GUF1: variants seen among roughly 807,000 people sequenced by gnomAD.
The protein encoded by GUF1 is translation factor GUF1, mitochondrial.
A neutral mutation model predicts 82.4 loss-of-function variants in GUF1; 78 were observed. The observed-to-expected ratio is 0.95, with a 90% CI of 0.79 to 1.14. The LOEUF (loss-of-function observed/expected upper bound fraction) is 1.14. Among genes scored for constraint, GUF1 ranks in the 50% most tolerant of loss-of-function variants. The pLI, the probability that GUF1 is intolerant of heterozygous loss-of-function variation, is 0.00. For missense variants in GUF1, 814 were observed against 798.2 expected, an observed-to-expected ratio of 1.02 and a Z score of -0.24; for synonymous variants, 279 against 282.3, an observed-to-expected ratio of 0.99 and a Z score of 0.12.
At chr4:44,695,957 C>A (rs576781937) in intron 15 of GUF1, among the ~76,000 whole-genome samples, 172 of 152,188 alleles carry the variant, frequency 1.1e-3, no homozygotes, top group Admixed American at 3.2e-3. Flanking sequence ...ATAACGTATA[C>A]GAGTTTGAGG....
At chr4:44,684,669 A>G (rs931380032) in intron 6 of GUF1, among the ~76,000 whole-genome samples, 2 of 152,158 alleles carry the variant, frequency 1.3e-5, no homozygotes, top group African/African-American at 4.8e-5. Flanking sequence ...AAAGGAGATT[A>G]TGATCCAGGA....
Position 44,690,874 on chromosome 4 carries a change from A to G in GUF1, c.1479+14A>G, listed in dbSNP as rs1357160169. 1.3e-6 allele frequency: 2 copies of G among 1,557,768 alleles called. No individual in the cohort carries two copies. Among genetic ancestry groups the G allele is most frequent in the South Asian group, 1.2e-5 (1 of 82,664 alleles). On this transcript the variant is annotated intron_variant, in intron 12 of 16. Coordinates refer to ENST00000281543, the MANE Select transcript of GUF1 (RefSeq NM_021927.3). The stretch of plus-strand genomic sequence containing the variant: ...ATGCTTTGCGAGGTATAACTATAAT[A>G]CAATTTAATACAAAATTAGGTTTTA...
chr4:44,686,095 C>T (rs1715031252), intron 7 of GUF1, 72 bp downstream of exon 7: 1 of 981,474 alleles, frequency 1.0e-6, no homozygotes, highest in Non-Finnish European at 1.6e-6. Context: ...TTTAATAGTT[C>T]AAAGACTGTC....
At chr4:44,685,568 T>C (rs1291745664) in intron 6 of GUF1, among the ~76,000 whole-genome samples, 2 of 152,056 alleles carry the variant, frequency 1.3e-5, no homozygotes, top group African/African-American at 4.8e-5. Context: ...ACATTGTTTA[T>C]CCACACAACA....
chr4:44,679,850 A>G (rs1167679532), intron 1 of GUF1, among the ~76,000 whole-genome samples: 3 of 152,226 alleles, frequency 2.0e-5, no homozygotes, highest in African/African-American at 7.2e-5. Context: ...ACGTTAAAGA[A>G]GATGTGTACA....
At chr4:44,687,610 G>A (rs144279250) in intron 8 of GUF1, among the ~76,000 whole-genome samples, 1 of 151,500 alleles carries the variant, frequency 6.6e-6, no homozygotes, top group East Asian at 1.9e-4. Context: ...ATTTTTCTTG[G>A]ATAAAAATTT....
At chr4:44,689,551 T>C in intron 10 of GUF1, 142 bp downstream of exon 10, 1 of 1,007,278 alleles carries the variant, frequency 9.9e-7, no homozygotes, top group Non-Finnish European at 1.4e-6. Context: ...TCTGGAACAT[T>C]TACTGAAAAT....
chr4:44,686,787 A>G (rs1465158615), intron 8 of GUF1, 74 bp downstream of exon 8: 13 of 956,642 alleles, frequency 1.4e-5, no homozygotes, highest in Non-Finnish European at 2.2e-5. Context: ...TCAACTTGGT[A>G]TGCTTAGAAT....
rs575694689 is a variant in GUF1 at position 44,699,044 on chromosome 4, A to C, written c.*363A>C. 76 of 162,854 alleles carry C rather than the reference A, an allele frequency of 4.7e-4. No individual in the cohort carries two copies. The highest frequency in any genetic ancestry group is 8.2e-4 in the Non-Finnish European group (62 of 75,414). 10.1% of individuals were successfully genotyped at this position (162,854 alleles called of 1,614,324 possible). ...ACATAGTAAGCACTCAATTGTAACTACAGTTAAGTCCTTAAATGCCATCGA... is the reference window on the plus strand; with the variant it reads ...ACATAGTAAGCACTCAATTGTAACTCCAGTTAAGTCCTTAAATGCCATCGA... On this transcript the variant is annotated 3_prime_UTR_variant, in exon 17 of 17. Transcript: ENST00000281543.
intron 4 of GUF1, 79 bp downstream of exon 4, chr4:44,681,282 T>C: frequency 9.5e-7 from 1 of 1,047,788 alleles, no homozygotes; most frequent in Non-Finnish European, 1.5e-6. Flanking sequence ...AAAATGTGTT[T>C]TGGAAATAGA....
chr4:44,697,757 T>C (rs982903579), intron 16 of GUF1, among the ~76,000 whole-genome samples: 2 of 152,230 alleles, frequency 1.3e-5, no homozygotes, highest in African/African-American at 4.8e-5. Context: ...ATCTAACATA[T>C]AATGAAAGAT....
At chr4:44,697,646 TAAA>T (rs1032171382) in intron 16 of GUF1, among the ~76,000 whole-genome samples, 6 of 152,128 alleles carry the variant, frequency 3.9e-5, no homozygotes, top group African/African-American at 1.4e-4. Context: ...ATCTTATTTA[TAAA>T]AATTTACAAA....
chr4:44,683,020 T>G (rs1347321914), intron 5 of GUF1, among the ~76,000 whole-genome samples: 2 of 152,036 alleles, frequency 1.3e-5, no homozygotes, highest in East Asian at 3.8e-4. Flanking sequence ...CTGCTTAAGT[T>G]TTTTTTGCAA....
At chr4:44,698,071 A>AGGAGGC (rs2109673978) in intron 16 of GUF1, among the ~76,000 whole-genome samples, 2 of 152,316 alleles carry the variant, frequency 1.3e-5, no homozygotes, top group South Asian at 4.1e-4. Flanking sequence ...GCTTGAGCTC[A>AGGAGGC]GGAGGCGGAG....
intron 13 of GUF1, among the ~76,000 whole-genome samples, chr4:44,693,613 T>C (rs775412286): frequency 6.6e-6 from 1 of 152,124 alleles, no homozygotes; most frequent in Non-Finnish European, 1.5e-5. Flanking sequence ...AAATATAATT[T>C]TGCAAGTCCA....
chr4:44,693,395 C>T (rs1343627187), intron 13 of GUF1, among the ~76,000 whole-genome samples: 1 of 152,154 alleles, frequency 6.6e-6, no homozygotes, highest in East Asian at 1.9e-4. Context: ...GGAGCTGTAA[C>T]AACTTCAAAG....
intron 13 of GUF1, among the ~76,000 whole-genome samples, chr4:44,692,372 A>G (rs1715501446): frequency 6.6e-6 from 1 of 151,930 alleles, no homozygotes; most frequent in African/African-American, 2.4e-5. Context: ...ATAACAAATA[A>G]GAAACTCAGG....
Position 44,694,425 on chromosome 4 carries a change from G to A in GUF1, c.1627G>A (p.Asp543Asn). 6.2e-7 allele frequency: 1 copy of A among 1,608,414 alleles called. No homozygotes were observed. Among genetic ancestry groups the A allele is most frequent in the Non-Finnish European group, 8.5e-7 (1 of 1,175,506 alleles). Reference protein sequence around the residue: ...SSGYASFDYEDAGYQTAELVK... With the variant: ...SSGYASFDYENAGYQTAELVK... Reference sequence around the variant, plus strand: ...TTTTCCTTTTAGTTTTGATTACGAAGATGCAGGCTACCAGACTGCAGAACT... The same window carrying A: ...TTTTCCTTTTAGTTTTGATTACGAAAATGCAGGCTACCAGACTGCAGAACT... The change falls in exon 14 of 17, where the codon GAT becomes AAT. Residue 543 changes from aspartate to asparagine, a missense_variant. By Grantham distance (23) the Asp-to-Asn change is conservative. Transcript: ENST00000281543.
chr4:44,681,340 A>T, intron 4 of GUF1, 137 bp downstream of exon 4: 2 of 634,644 alleles, frequency 3.2e-6, no homozygotes, highest in Non-Finnish European at 2.8e-6. Flanking sequence ...ACTGAAAATC[A>T]TATGGTTTCA....
Sources: gnomAD v4.1 joint callset for allele counts (sites outside exome capture counted in the v4.1 genomes callset) on GRCh38, gnomAD v4.1.1 for gene constraint, MANE v1.5 for transcripts, NCBI Gene and HGNC (gene_info 2026-07-23, HGNC 2026-07-21) for gene names.